The following DAB2IP variants were observed in gnomAD, a reference collection of about 807,000 sequenced individuals.
The protein encoded by DAB2IP is DAB2 interacting protein.
A neutral mutation model predicts 107.2 loss-of-function variants in DAB2IP; 28 were observed. That is an observed-to-expected ratio of 0.26 (90% confidence interval 0.19 to 0.36). DAB2IP has a LOEUF of 0.36. Ranked by LOEUF, DAB2IP falls within the 10% of genes least tolerant of loss-of-function variation. The pLI, the probability that DAB2IP is intolerant of heterozygous loss-of-function variation, is 1.00. For synonymous variants in DAB2IP, 755 were observed against 706.4 expected (o/e 1.07, Z -1.09); for missense variants, 1,400 against 1,644.7 (o/e 0.85, Z 2.57).
At chr9:121,685,518 G>T (rs1828827773) in intron 2 of DAB2IP, among the ~76,000 whole-genome samples, 2 of 152,238 alleles carry the variant, frequency 1.3e-5, no homozygotes, top group Non-Finnish European at 2.9e-5. Flanking sequence ...TACAGTTGAG[G>T]ATCCCAGGCT....
chr9:121,783,577 C>A, exon 16 of DAB2IP: 1 of 1,613,570 alleles, frequency 6.2e-7, no homozygotes, highest in East Asian at 2.2e-5. Context: ...CTTGCTGGAA[C>A]ACAGGGGCCT....
Position 121,651,982 on chromosome 9 carries a change from A to T in DAB2IP, c.124+83A>T. The T allele has an allele frequency of 6.9e-6, 8 of 1,164,708 alleles. No individual in the cohort carries two copies. Among genetic ancestry groups the T allele is most frequent in the Non-Finnish European group, 8.7e-6 (8 of 923,706 alleles). The allele number at this position is 1,164,708 out of a possible 1,614,324, so 72.1% of individuals were successfully genotyped here. A position where few individuals can be genotyped will look rare whatever the true frequency, so the allele number is the denominator to read the frequency against. On this transcript the variant is annotated intron_variant, in intron 1 of 15. Coordinates refer to ENST00000408936, the Ensembl canonical transcript of DAB2IP. The surrounding 1 kb of genome is among the most constrained non-coding windows in gnomAD (Gnocchi z 5.1). ...ATGCCCTGGGATGCTAGGGACCGGG[A>T]TCCTCCTTCCAGCCATTTGCCGGGG...
intron 1 of DAB2IP, among the ~76,000 whole-genome samples, chr9:121,614,337 C>CTTTTTTTTTTTT (rs35959966): frequency 8.8e-5 from 9 of 102,766 alleles, no homozygotes; most frequent in African/African-American, 1.5e-4. Context: ...TCTTTCTTTT[C>CTTTTTTTTTTTT]TTTTTTTTTT....
chr9:121,706,907 A>G (rs373675180), intron 3 of DAB2IP, among the ~76,000 whole-genome samples: 6 of 152,242 alleles, frequency 3.9e-5, no homozygotes, highest in African/African-American at 1.4e-4. Context: ...AACCTACGGG[A>G]GGGAGAGGGA....
At chr9:121,704,957 T>C (rs1341577846) in intron 3 of DAB2IP, among the ~76,000 whole-genome samples, 3 of 152,204 alleles carry the variant, frequency 2.0e-5, no homozygotes, top group East Asian at 3.8e-4. Context: ...ATGGGCACCT[T>C]TGGGGGCAGG....
intron 1 of DAB2IP, among the ~76,000 whole-genome samples, chr9:121,618,673 A>AT (rs893585688): frequency 4.0e-4 from 61 of 150,856 alleles, no homozygotes; most frequent in Middle Eastern, 3.4e-3. Flanking sequence ...TTGTAGAAAC[A>AT]TTTTTTTTTT....
intron 12 of DAB2IP, 123 bp downstream of exon 12, chr9:121,773,618 C>G: frequency 2.4e-6 from 3 of 1,238,246 alleles, no homozygotes; most frequent in Non-Finnish European, 1.0e-6. Context: ...CCATCCCATC[C>G]CACCAGCCTG....
rs1466481063 is a variant in DAB2IP at position 121,664,898 on chromosome 9, T to TC, written c.124+13002dup. 9.8e-5 allele frequency among the ~76,000 whole-genome samples: 15 copies of TC among 152,366 alleles called. No homozygotes were observed. The East Asian group carries it at 2.9e-3, about 29-fold the overall frequency. The stretch of plus-strand genomic sequence containing the variant: ...CATAAAATGATCTTCTTTGTAGCTT[T>TC]CCCAAATTATAACCTCATGTCCCCT... On this transcript the variant is annotated intron_variant, in intron 1 of 15. Transcript: ENST00000408936.
At position 121,748,635 on chromosome 9, in the gene DAB2IP, T is replaced by C. The variant is rs186431785; in HGVS notation, c.363-8378T>C. Among the ~76,000 whole-genome samples, 9 of 152,336 alleles carry C rather than the reference T, an allele frequency of 5.9e-5. No homozygotes were observed. In the East Asian group the frequency reaches 1.7e-3, roughly 29 times the overall value. ...TTGTTGGGAGAAGGCCATGAGATGATGTTTGTACTTTGGTGAGAACACCTG... is the reference window on the plus strand; with the variant it reads ...TTGTTGGGAGAAGGCCATGAGATGACGTTTGTACTTTGGTGAGAACACCTG... On this transcript the variant is annotated intron_variant, in intron 3 of 15. Coordinates refer to ENST00000408936, the Ensembl canonical transcript of DAB2IP.
intron 1 of DAB2IP, among the ~76,000 whole-genome samples, chr9:121,585,636 C>T (rs767501571): frequency 9.9e-5 from 15 of 152,108 alleles, no homozygotes; most frequent in Non-Finnish European, 1.0e-4. Flanking sequence ...GCAGACAGAT[C>T]GCTTTGAGCT....
intron 3 of DAB2IP, among the ~76,000 whole-genome samples, chr9:121,745,515 G>A (rs1462152106): frequency 6.6e-6 from 1 of 152,158 alleles, no homozygotes; most frequent in Non-Finnish European, 1.5e-5. Context: ...CAGACCTCAG[G>A]CTTTGGGAGG....
At chr9:121,767,722 G>A (rs188339500) in intron 9 of DAB2IP, among the ~76,000 whole-genome samples, 1 of 152,234 alleles carries the variant, frequency 6.6e-6, no homozygotes, top group Non-Finnish European at 1.5e-5. Flanking sequence ...AGATGGGTTG[G>A]AGGGAGCAGG....
In DAB2IP at chr9:121,700,107, C is replaced by T. The variant is rs1052449772; in HGVS notation, c.362+649C>T. Reference sequence around the variant, plus strand: ...ATCTCCTCTCCAGCCTAGGCAGCTGCTTCTCTCCTTCCCTCACCTCTCCAC... The same window carrying T: ...ATCTCCTCTCCAGCCTAGGCAGCTGTTTCTCTCCTTCCCTCACCTCTCCAC... On this transcript the variant is annotated intron_variant, in intron 3 of 15. Transcript: ENST00000408936. Among the ~76,000 whole-genome samples, 5 of 152,212 alleles carry T rather than the reference C, an allele frequency of 3.3e-5. No individual in the cohort carries two copies. The South Asian group carries it at 1.0e-3, about 32-fold the overall frequency.
intron 3 of DAB2IP, among the ~76,000 whole-genome samples, chr9:121,715,164 G>C (rs1181475160): frequency 6.6e-6 from 1 of 152,132 alleles, no homozygotes; most frequent in Non-Finnish European, 1.5e-5. Flanking sequence ...CTAGGGTTAA[G>C]GACCTTGCTC....
chr9:121,710,825 A>T (rs1370978077), intron 3 of DAB2IP, among the ~76,000 whole-genome samples: 1 of 152,188 alleles, frequency 6.6e-6, no homozygotes, highest in African/African-American at 2.4e-5. Context: ...GCAGTACTAC[A>T]GCAGACTCAC....
chr9:121,774,328 G>A (rs1297508243), exon 13 of DAB2IP: 1 of 1,613,142 alleles, frequency 6.2e-7, no homozygotes, highest in Non-Finnish European at 8.5e-7. Flanking sequence ...TGAACGCGCA[G>A]TTGTTAGAAG....
At chr9:121,609,419 C>A (rs1831008295) in intron 1 of DAB2IP, among the ~76,000 whole-genome samples, 1 of 152,220 alleles carries the variant, frequency 6.6e-6, no homozygotes, top group South Asian at 2.1e-4. Flanking sequence ...AGCTCCCAGA[C>A]CACCAGGATC....
chr9:121,731,346 T>G (rs1831527403), intron 3 of DAB2IP, among the ~76,000 whole-genome samples: 1 of 152,200 alleles, frequency 6.6e-6, no homozygotes, highest in Admixed American at 6.5e-5. Flanking sequence ...CTGGCACATG[T>G]CACGGCAAGG....
chr9:121,766,645 C>A (rs761650846), exon 9 of DAB2IP: 8 of 1,614,194 alleles, frequency 5.0e-6, no homozygotes, highest in Non-Finnish European at 6.8e-6. Context: ...ACTCTTCAAC[C>A]TGCTGCAGGA....
Sources: allele counts gnomAD v4.1 joint callset (sites outside exome capture counted in the v4.1 genomes callset), GRCh38; gene constraint gnomAD v4.1.1; non-coding constraint Gnocchi (gnomAD v3.1); transcripts MANE v1.5; gene names NCBI Gene and HGNC (gene_info 2026-07-23, HGNC 2026-07-21).